PLEKHD1: variants seen among roughly 807,000 people sequenced by gnomAD.
The protein encoded by PLEKHD1 is pleckstrin homology and coiled-coil domain containing D1, also known as pleckstrin homology domain-containing family D member 1.
Under a neutral mutation model 69.2 loss-of-function variants are expected in PLEKHD1, and 51 were observed. The ratio of observed to expected loss-of-function variants is 0.74; its 90% CI spans 0.59 to 0.93. The LOEUF (loss-of-function observed/expected upper bound fraction) is 0.93. Ranked by LOEUF, PLEKHD1 falls within the 40% of genes least tolerant of loss-of-function variation. The probability of loss-of-function intolerance (pLI) is 0.00; values close to 1 mark genes in which losing one functional copy is unlikely to be tolerated. For missense variants in PLEKHD1, 584 were observed against 641.0 expected, an observed-to-expected ratio of 0.91 and a Z score of 0.96; for synonymous variants, 236 against 244.7, an observed-to-expected ratio of 0.96 and a Z score of 0.33.
chr14:69,524,427 A>G, intron 8 of PLEKHD1, 105 bp downstream of exon 8: 1 of 963,736 alleles, frequency 1.0e-6, no homozygotes, highest in Non-Finnish European at 1.6e-6. Context: ...GATCTGTAAG[A>G]GAAATGGGCA....
At position 69,501,719 on chromosome 14, in the gene PLEKHD1, G is replaced by A. The variant is rs1883028787; in HGVS notation, c.411-15G>A. On this transcript the variant is annotated splice_polypyrimidine_tract_variant and intron_variant, in intron 4 of 12. Transcript: ENST00000322564. ...TCCTCTTCTCTCCTCTGTCCCATCT[G>A]CCCTCCCTCCCCAGGACCTGGAAGA... 1 of 1,540,156 alleles carries A rather than the reference G, an allele frequency of 6.5e-7. No individual in the cohort carries two copies. Among genetic ancestry groups the A allele is most frequent in the African/African-American group, 1.4e-5 (1 of 72,758 alleles).
intron 1 of PLEKHD1, among the ~76,000 whole-genome samples, chr14:69,492,626 G>A (rs1006300250): frequency 1.3e-5 from 2 of 152,104 alleles, no homozygotes; most frequent in African/African-American, 4.8e-5. Context: ...ATGTGATCTG[G>A]GGCATTATTT....
chr14:69,519,752 G>C (rs906825195), intron 6 of PLEKHD1, among the ~76,000 whole-genome samples: 1 of 152,208 alleles, frequency 6.6e-6, no homozygotes, highest in Non-Finnish European at 1.5e-5. Flanking sequence ...ATCAAGTAAC[G>C]GGAAATGTTT....
At chr14:69,503,691 A>C (rs1245896137) in intron 6 of PLEKHD1, 1 of 90,018 alleles carries the variant, frequency 1.1e-5, no homozygotes, top group Non-Finnish European at 2.0e-5. Flanking sequence ...ACTCCGTCTC[A>C]AAAAAAAAAA....
chr14:69,487,719 G>A (rs1882686717), intron 1 of PLEKHD1, among the ~76,000 whole-genome samples: 2 of 152,200 alleles, frequency 1.3e-5, no homozygotes, highest in Admixed American at 1.3e-4. Context: ...AATTAGCAGA[G>A]ATCAGATAAT....
At chr14:69,477,033 A>G in the PLEKHD1 span, among the ~76,000 whole-genome samples, 44 of 151,142 alleles carry the variant, frequency 2.9e-4, no homozygotes, top group African/African-American at 9.7e-4. Flanking sequence ...TTTAGAGACA[A>G]TGTCTCCCTC....
the PLEKHD1 span, among the ~76,000 whole-genome samples, chr14:69,472,279 G>A: frequency 1.3e-5 from 2 of 152,290 alleles, no homozygotes; most frequent in East Asian, 3.9e-4. Flanking sequence ...ATTCTTCTAA[G>A]CTAGAGCTGC....
At chr14:69,484,452 A>C (rs371488769), upstream of PLEKHD1, among the ~76,000 whole-genome samples, 1 of 151,464 alleles carries the variant, frequency 6.6e-6, no homozygotes, top group African/African-American at 2.4e-5. Context: ...GCCGAGAGGG[A>C]CCCCGGGGTG....
Position 69,526,749 on chromosome 14 carries a change from T to C in PLEKHD1, c.976T>C (p.Tyr326His), listed in dbSNP as rs1362030287. ...SRALEEEREF[Y>H]SSQSQALQNS... ...GGCCCTGGAGGAGGAGCGTGAGTTCTACTCCAGCCAGTCCCAGGCACTGCA... is the reference window on the plus strand; with the variant it reads ...GGCCCTGGAGGAGGAGCGTGAGTTCCACTCCAGCCAGTCCCAGGCACTGCA... The change falls in exon 10 of 13, where the codon TAC (tyrosine) becomes CAC (histidine). Residue 326 changes from tyrosine (Y) to histidine (H), a missense_variant. Physicochemically the swap from Tyr to His is moderately conservative, Grantham distance 83 (BLOSUM62 2). Transcript: ENST00000322564. 1 of 1,549,730 alleles carries C rather than the reference T, an allele frequency of 6.5e-7. No individual in the cohort carries two copies. The highest frequency in any genetic ancestry group is 1.2e-5 in the South Asian group (1 of 83,872).
rs1370540508 is a variant in PLEKHD1, at chr14:69,500,971, C to T, written c.410+24C>T. On this transcript the variant is annotated intron_variant, in intron 4 of 12. Transcript: ENST00000322564. ...GTGTAAGTGCTCACAGCCAGGAGGG[C>T]AGCCTGCAGATCCAGGATGGGGTGG... The T allele has an allele frequency of 2.6e-6, 4 of 1,550,140 alleles. No homozygotes were observed. The Admixed American group carries it at 7.8e-5, about 30-fold the overall frequency.
At chr14:69,526,600 GGTTT>G (rs1193509702) in intron 9 of PLEKHD1, 93 bp from the exon 10 acceptor site, 59 of 1,376,506 alleles carry the variant, frequency 4.3e-5, no homozygotes, top group Non-Finnish European at 5.2e-5. Flanking sequence ...TGGGATTCAA[GGTTT>G]CTCCAGCCCA....
At chr14:69,488,155 G>A (rs1882695981) in intron 1 of PLEKHD1, among the ~76,000 whole-genome samples, 1 of 152,168 alleles carries the variant, frequency 6.6e-6, no homozygotes, top group Non-Finnish European at 1.5e-5. Context: ...GTGTCCACCT[G>A]GTGCCAGTGG....
At chr14:69,470,868 T>C in the PLEKHD1 span, among the ~76,000 whole-genome samples, 1 of 151,318 alleles carries the variant, frequency 6.6e-6, no homozygotes, top group Non-Finnish European at 1.5e-5. Context: ...CTCGGCTCAC[T>C]GCAAGCTCCG....
At chr14:69,512,089 C>T (rs1173494717) in intron 6 of PLEKHD1, among the ~76,000 whole-genome samples, 1 of 152,168 alleles carries the variant, frequency 6.6e-6, no homozygotes, top group Non-Finnish European at 1.5e-5. Context: ...TAGGCCTATT[C>T]AAATTGTCTG....
the PLEKHD1 span, among the ~76,000 whole-genome samples, chr14:69,478,317 C>T: frequency 6.6e-6 from 1 of 152,218 alleles, no homozygotes; most frequent in African/African-American, 2.4e-5. Flanking sequence ...GGCCTCTGGG[C>T]TTGTGATGGG....
intron 4 of PLEKHD1, chr14:69,501,235 A>T: frequency 2.0e-6 from 1 of 504,226 alleles, no homozygotes; most frequent in Non-Finnish European, 3.6e-6. Context: ...TCACCTCCCC[A>T]GGCCCATAAT....
At chr14:69,472,992 G>T in the PLEKHD1 span, among the ~76,000 whole-genome samples, 2 of 152,168 alleles carry the variant, frequency 1.3e-5, no homozygotes, top group South Asian at 2.1e-4. Flanking sequence ...CTCCTTATGA[G>T]AATCTAATGC....
intron 11 of PLEKHD1, 63 bp downstream of exon 11, chr14:69,527,395 C>G: frequency 6.5e-7 from 1 of 1,544,162 alleles, no homozygotes; most frequent in Admixed American, 2.0e-5. Context: ...GGGATCCCGG[C>G]CCTGTAGAGC....
At chr14:69,469,775 G>T in the PLEKHD1 span, among the ~76,000 whole-genome samples, 131 of 152,102 alleles carry the variant, frequency 8.6e-4, no homozygotes, top group African/African-American at 3.1e-3. Flanking sequence ...AGGCTGGAGC[G>T]CAGTGGCATG....
Sources: gnomAD v4.1 joint callset for allele counts (sites outside exome capture counted in the v4.1 genomes callset) on GRCh38, gnomAD v4.1.1 for gene constraint, MANE v1.5 for transcripts, NCBI Gene and HGNC (gene_info 2026-07-23, HGNC 2026-07-21) for gene names.